The following ACMSD variants were observed in gnomAD, a reference collection of about 807,000 sequenced individuals.
ACMSD encodes the protein aminocarboxymuconate semialdehyde decarboxylase.
A neutral mutation model predicts 45.9 loss-of-function variants in ACMSD; 37 were observed. The observed-to-expected ratio is 0.81, with a 90% CI of 0.62 to 1.06. The LOEUF (loss-of-function observed/expected upper bound fraction) is 1.06. ACMSD is among the 50% of genes least tolerant of loss of function. The pLI is 0.00. For synonymous variants in ACMSD, 138 were observed against 148.8 expected, an observed-to-expected ratio of 0.93 and a Z score of 0.53; for missense variants, 434 against 420.9, an observed-to-expected ratio of 1.03 and a Z score of -0.27.
At chr2:134,864,383 T>C (rs558686301) in intron 5 of ACMSD, among the ~76,000 whole-genome samples, 3 of 152,172 alleles carry the variant, frequency 2.0e-5, no homozygotes, top group African/African-American at 7.2e-5. Context: ...ATAACAAACA[T>C]TACCCATAAT....
intron 1 of ACMSD, among the ~76,000 whole-genome samples, chr2:134,841,915 C>T (rs1446621674): frequency 6.6e-6 from 1 of 152,154 alleles, no homozygotes; most frequent in African/African-American, 2.4e-5. Context: ...GAAAATCCTT[C>T]TGAGGAGATA....
chr2:134,881,918 G>A (rs532681753), intron 8 of ACMSD, among the ~76,000 whole-genome samples: 14 of 152,158 alleles, frequency 9.2e-5, no homozygotes, highest in Non-Finnish European at 1.9e-4. Context: ...AGGAGTTTGA[G>A]ACCAACCTAG....
intron 8 of ACMSD, among the ~76,000 whole-genome samples, chr2:134,883,541 G>A (rs762316449): frequency 1.1e-4 from 16 of 152,164 alleles, no homozygotes; most frequent in South Asian, 4.2e-4. Flanking sequence ...TCACTCTGTC[G>A]CCCAGGCTGG....
intron 8 of ACMSD, among the ~76,000 whole-genome samples, chr2:134,881,728 G>A (rs1689049585): frequency 6.6e-6 from 1 of 152,116 alleles, no homozygotes; most frequent in Admixed American, 6.5e-5. Context: ...CTCAGGCTGC[G>A]CATAATCCCA....
intron 9 of ACMSD, among the ~76,000 whole-genome samples, chr2:134,899,481 CT>C (rs1209431998): frequency 2.6e-5 from 4 of 151,196 alleles, no homozygotes; most frequent in African/African-American, 7.3e-5. Context: ...CATTTTTTAT[CT>C]TTTTTTTTAA....
At chr2:134,877,815 C>A (rs532646728) in intron 8 of ACMSD, among the ~76,000 whole-genome samples, 1 of 152,140 alleles carries the variant, frequency 6.6e-6, no homozygotes, top group South Asian at 2.1e-4. Flanking sequence ...ACATTTTATT[C>A]ATTAGAAGCA....
intron 2 of ACMSD, among the ~76,000 whole-genome samples, chr2:134,845,586 G>T (rs1446760814): frequency 8.8e-6 from 1 of 113,370 alleles, no homozygotes; most frequent in African/African-American, 3.5e-5. Flanking sequence ...ACCAGTTTTA[G>T]CATTTATTGC....
chr2:134,882,330 T>G (rs943663165), intron 8 of ACMSD, among the ~76,000 whole-genome samples: 1 of 152,108 alleles, frequency 6.6e-6, no homozygotes, highest in Non-Finnish European at 1.5e-5. Flanking sequence ...AGAGTTCAAG[T>G]CCTGGCTCTA....
At chr2:134,853,167 TA>T (rs201350282) in intron 2 of ACMSD, among the ~76,000 whole-genome samples, 1,982 of 106,508 alleles carry the variant, frequency 0.019, 48 homozygotes, top group African/African-American at 0.061. Context: ...CATCTCAATC[TA>T]AAAAAAAAAA....
intron 2 of ACMSD, among the ~76,000 whole-genome samples, chr2:134,847,855 CT>C (rs113677848): frequency 0.54 from 77,249 of 141,742 alleles, 21,847 homozygotes; most frequent in Middle Eastern, 0.89. Flanking sequence ...TCTTCTTTTT[CT>C]TTTTTTTTTT....
intron 2 of ACMSD, among the ~76,000 whole-genome samples, chr2:134,853,368 T>C (rs1573629593): frequency 6.6e-6 from 1 of 151,654 alleles, no homozygotes; most frequent in East Asian, 1.9e-4. Flanking sequence ...ATATAAGAGG[T>C]GTATTTAAAG....
chr2:134,854,390 C>T (rs1416455899), intron 2 of ACMSD, among the ~76,000 whole-genome samples: 1 of 152,222 alleles, frequency 6.6e-6, no homozygotes, highest in Non-Finnish European at 1.5e-5. Flanking sequence ...GCTGTGCTAA[C>T]ATGATCAATG....
At chr2:134,865,850 A>C (rs1484172048) in intron 5 of ACMSD, among the ~76,000 whole-genome samples, 3 of 152,202 alleles carry the variant, frequency 2.0e-5, no homozygotes, top group Non-Finnish European at 4.4e-5. Flanking sequence ...GGTAGTGCCA[A>C]CTGCCCAGCT....
chr2:134,872,803 G>A lies in ACMSD; in HGVS notation c.849+162G>A. On this transcript the variant is annotated intron_variant, in intron 8 of 9. Coordinates refer to ENST00000356140, the MANE Select transcript of ACMSD (RefSeq NM_138326.3). ...TGGGATTAGGTTTGCTCACACAGGGGATTCTCTCCAGGGTCTCCCTCCACA... is the reference window on the plus strand; with the variant it reads ...TGGGATTAGGTTTGCTCACACAGGGAATTCTCTCCAGGGTCTCCCTCCACA... 3 of 764,796 alleles carry A rather than the reference G, an allele frequency of 3.9e-6. No individual in the cohort carries two copies. The South Asian group carries it at 5.3e-5, about 14-fold the overall frequency. 47.4% of individuals were successfully genotyped at this position (764,796 alleles called of 1,614,324 possible). A position where few individuals can be genotyped will look rare whatever the true frequency, so the allele number is the denominator to read the frequency against.
chr2:134,853,134 G>C (rs1687424185), intron 2 of ACMSD, among the ~76,000 whole-genome samples: 1 of 141,900 alleles, frequency 7.0e-6, no homozygotes, highest in Non-Finnish European at 1.5e-5. Context: ...CTACACTCCA[G>C]CCTGGGGAAC....
chr2:134,870,025 G>T, intron 6 of ACMSD, among the ~76,000 whole-genome samples: 1 of 152,224 alleles, frequency 6.6e-6, no homozygotes, highest in Non-Finnish European at 1.5e-5. Flanking sequence ...GCAGCTGGGT[G>T]CCAGGGGCGT....
intron 2 of ACMSD, among the ~76,000 whole-genome samples, chr2:134,849,017 A>T (rs1004277981): frequency 6.6e-6 from 1 of 152,188 alleles, no homozygotes; most frequent in African/African-American, 2.4e-5. Context: ...AGCTGGCCTC[A>T]AGTCTCTCCG....
chr2:134,875,421 T>C (rs1020627224), intron 8 of ACMSD, among the ~76,000 whole-genome samples: 1 of 152,204 alleles, frequency 6.6e-6, no homozygotes, highest in African/African-American at 2.4e-5. Flanking sequence ...CACAGATACA[T>C]GTCATATATA....
intron 8 of ACMSD, among the ~76,000 whole-genome samples, chr2:134,895,069 G>C (rs910114640): frequency 6.6e-6 from 1 of 151,884 alleles, no homozygotes; most frequent in Non-Finnish European, 1.5e-5. Flanking sequence ...ACTTTGGCAG[G>C]CCAAGGCGGG....
Sources: gnomAD v4.1 joint callset for allele counts (sites outside exome capture counted in the v4.1 genomes callset) on GRCh38, gnomAD v4.1.1 for gene constraint, MANE v1.5 for transcripts, NCBI Gene and HGNC (gene_info 2026-07-23, HGNC 2026-07-21) for gene names.